PCDHGA1: variants seen among roughly 807,000 people sequenced by gnomAD.
The protein encoded by PCDHGA1 is protocadherin gamma-A1.
PCDHGA1 carries 32 observed loss-of-function variants against 58.0 expected under a neutral mutation model. The observed-to-expected ratio is 0.55, with a 90% CI of 0.42 to 0.74. The LOEUF is 0.74. Among genes scored for constraint, PCDHGA1 ranks in the 30% least tolerant of loss-of-function variants. The probability of loss-of-function intolerance (pLI) is 0.00; values close to 1 mark genes in which losing one functional copy is unlikely to be tolerated. For missense variants in PCDHGA1, 1,205 were observed against 1,182.3 expected (o/e 1.02, Z -0.28); for synonymous variants, 498 against 501.1 (o/e 0.99, Z 0.08).
intron 1 of PCDHGA1, chr5:141,415,794 A>C: frequency 7.3e-7 from 1 of 1,366,410 alleles, no homozygotes; most frequent in Non-Finnish European, 9.3e-7. Context: ...AAATTCACCT[A>C]GTCTCAATCA....
intron 1 of PCDHGA1, among the ~76,000 whole-genome samples, chr5:141,349,588 C>G (rs1231521478): frequency 6.6e-6 from 1 of 151,692 alleles, no homozygotes; most frequent in Non-Finnish European, 1.5e-5. Flanking sequence ...CTCTTTTTTG[C>G]AAAAACTATT....
chr5:141,499,268 G>C (rs564234341), intron 2 of PCDHGA1, among the ~76,000 whole-genome samples: 1 of 152,224 alleles, frequency 6.6e-6, no homozygotes, highest in South Asian at 2.1e-4. Flanking sequence ...TTGGTCCCTA[G>C]ACTGTTCTCT....
chr5:141,431,554 C>A lies in PCDHGA1; in HGVS notation c.2422-63253C>A, dbSNP rs766242338. On this transcript the variant is annotated intron_variant, in intron 1 of 3. Coordinates refer to ENST00000517417, the MANE Select transcript of PCDHGA1 (RefSeq NM_018912.3). The surrounding 1 kb of genome is among the most constrained non-coding windows in gnomAD (Gnocchi z 4.8). ...TGGGCACGCAGCTGCTTGTAGTCAA[C>A]GCTACCGACCCTGACGAAGGAGTCA... 1.2e-6 allele frequency: 2 copies of A among 1,614,008 alleles called. No individual in the cohort carries two copies. Among genetic ancestry groups the A allele is most frequent in the African/African-American group, 1.3e-5 (1 of 74,942 alleles).
chr5:141,383,788 C>T (rs1375292315), intron 1 of PCDHGA1: 2 of 1,613,944 alleles, frequency 1.2e-6, no homozygotes, highest in Non-Finnish European at 1.7e-6. Context: ...TCTGAACTCG[C>T]TTACAGGAGA....
intron 3 of PCDHGA1, among the ~76,000 whole-genome samples, chr5:141,509,109 G>A (rs893509101): frequency 5.3e-5 from 8 of 152,240 alleles, no homozygotes; most frequent in African/African-American, 1.9e-4. Flanking sequence ...AAACCTGAGC[G>A]CTGGTGCGTG....
rs965293763 is a variant in PCDHGA1 at position 141,372,242 on chromosome 5, G to A, written c.2421+39137G>A. 2.5e-6 allele frequency: 4 copies of A among 1,613,274 alleles called. No individual in the cohort carries two copies. The South Asian group carries it at 3.3e-5, about 13-fold the overall frequency. ...TTGTGCAGGCCAGCGAGCCCGGGCT[G>A]TTCAGCCTGGGCCTGCGCACGGGTG... On this transcript the variant is annotated intron_variant, in intron 1 of 3. Coordinates refer to ENST00000517417, the MANE Select transcript of PCDHGA1 (RefSeq NM_018912.3).
intron 1 of PCDHGA1, among the ~76,000 whole-genome samples, chr5:141,466,063 A>G (rs554503713): frequency 3.3e-5 from 5 of 152,268 alleles, no homozygotes; most frequent in Admixed American, 6.5e-5. Context: ...CGGAGCTTGC[A>G]GTGAGCTGAT....
intron 1 of PCDHGA1, chr5:141,339,531 A>T: frequency 6.2e-7 from 1 of 1,614,162 alleles, no homozygotes; most frequent in Non-Finnish European, 8.5e-7. Context: ...AGGGGAGCTG[A>T]TGGGAACAAG....
chr5:141,366,335 C>T, intron 1 of PCDHGA1: 2 of 1,613,882 alleles, frequency 1.2e-6, no homozygotes, highest in Non-Finnish European at 1.7e-6. Context: ...CGACAGGATC[C>T]CTGACATCCT....
intron 1 of PCDHGA1, among the ~76,000 whole-genome samples, chr5:141,381,060 A>G (rs1776965046): frequency 6.6e-6 from 1 of 152,246 alleles, no homozygotes; most frequent in South Asian, 2.1e-4. Flanking sequence ...GTGAATGCAA[A>G]GATAACTATG....
At chr5:141,352,309 A>G (rs1363928868) in intron 1 of PCDHGA1, 1 of 1,613,958 alleles carries the variant, frequency 6.2e-7, no homozygotes, top group East Asian at 2.2e-5. Flanking sequence ...CCCAGACGGA[A>G]CTGCAGTTTT....
chr5:141,346,408 T>G, intron 1 of PCDHGA1: 1 of 1,614,280 alleles, frequency 6.2e-7, no homozygotes, highest in Non-Finnish European at 8.5e-7. Flanking sequence ...GAGCCTCTTC[T>G]GATAACTCAG....
At chr5:141,385,376 C>T in intron 1 of PCDHGA1, 1 of 1,523,128 alleles carries the variant, frequency 6.6e-7, no homozygotes. Context: ...CATGATATTT[C>T]TCTATTATTT....
intron 1 of PCDHGA1, chr5:141,351,680 G>A: frequency 1.9e-6 from 3 of 1,613,972 alleles, no homozygotes; most frequent in South Asian, 2.2e-5. Context: ...AAGCGCCTCC[G>A]ACCCGGATTT....
intron 1 of PCDHGA1, chr5:141,408,444 G>A (rs2095109468): frequency 6.2e-6 from 10 of 1,613,960 alleles, no homozygotes; most frequent in Non-Finnish European, 7.6e-6. Context: ...GACGCGGAGA[G>A]CGGGGACTTA....
rs1456176347 is a variant in PCDHGA1 at position 141,510,961 on chromosome 5, A to G, written c.2584A>G (p.Ser862Gly). 2 of 1,613,986 alleles carry G rather than the reference A, an allele frequency of 1.2e-6. No individual in the cohort carries two copies. Among genetic ancestry groups the G allele is most frequent in the Non-Finnish European group, 1.7e-6 (2 of 1,179,962 alleles). ...TGTCTCTGCAGAAGCTGCTGATGGG[A>G]GCTCCACCCTGGGAGGGGGTGCCGG... is the stretch of plus-strand genomic sequence containing the variant. Reference protein sequence around the residue: ...LASASEAADGSSTLGGGAGTM... With the variant: ...LASASEAADGGSTLGGGAGTM... Residue 862 changes from serine (S) to glycine (G), a missense_variant, in exon 4 of 4, where the codon AGC (serine) becomes GGC (glycine). Physicochemically the swap from Ser to Gly is moderately conservative, Grantham distance 56. Coordinates refer to ENST00000517417, the MANE Select transcript of PCDHGA1 (RefSeq NM_018912.3).
chr5:141,426,646 T>C (rs764903298), intron 1 of PCDHGA1: 1 of 416,448 alleles, frequency 2.4e-6, no homozygotes, highest in South Asian at 1.7e-5. Flanking sequence ...ATAAATGTGA[T>C]GATAGAAGAT....
chr5:141,330,722 T>A lies in PCDHGA1; in HGVS notation c.38T>A (p.Leu13Gln), dbSNP rs773162875. 6.2e-7 allele frequency: 1 copy of A among 1,612,472 alleles called. No homozygotes were observed. Among genetic ancestry groups the A allele is most frequent in the East Asian group, 2.2e-5 (1 of 44,834 alleles). ...AAAAAGCTGACTGGCTGCAGCAGGC[T>A]GATGCTTCTGTGTCTTTCTCTGGAG... ...IQKKLTGCSR[L>Q]MLLCLSLELL... Residue 13 changes from leucine to glutamine, a missense_variant, in exon 1 of 4, where the codon CTG becomes CAG. Physicochemically the swap from Leu to Gln is moderately radical, Grantham distance 113. Coordinates refer to ENST00000517417, the MANE Select transcript of PCDHGA1 (RefSeq NM_018912.3).
intron 1 of PCDHGA1, among the ~76,000 whole-genome samples, chr5:141,465,422 G>A (rs74711061): frequency 0.01 from 1,576 of 152,260 alleles, 21 homozygotes; most frequent in African/African-American, 0.037. Context: ...AGCACTGAAA[G>A]GTGGGCACTT....
Sources: allele counts gnomAD v4.1 joint callset (sites outside exome capture counted in the v4.1 genomes callset), GRCh38; gene constraint gnomAD v4.1.1; non-coding constraint Gnocchi (gnomAD v3.1); transcripts MANE v1.5; gene names NCBI Gene and HGNC (gene_info 2026-07-23, HGNC 2026-07-21).